The following TAFA4 variants were observed in gnomAD, a reference collection of about 807,000 sequenced individuals.
TAFA4 encodes TAFA chemokine like family member 4.
In TAFA4, 20 loss-of-function variants were observed where a neutral mutation model predicts 21.1. That is an observed-to-expected ratio of 0.95 (90% CI 0.67 to 1.38). The LOEUF (loss-of-function observed/expected upper bound fraction) is 1.38. Among genes scored for constraint, TAFA4 ranks in the 40% most tolerant of loss-of-function variants. The pLI is 0.00. For synonymous variants in TAFA4, 71 were observed against 67.4 expected (o/e 1.05, Z -0.26); for missense variants, 211 against 180.9 (o/e 1.17, Z -0.95).
chr3:68,901,767 C>T (rs1362322295), intron 1 of TAFA4, among the ~76,000 whole-genome samples: 1 of 152,292 alleles, frequency 6.6e-6, no homozygotes, highest in East Asian at 1.9e-4. Context: ...CAAAAGCTGA[C>T]TTTGGCTGAT....
intron 3 of TAFA4, among the ~76,000 whole-genome samples, chr3:68,756,931 G>T (rs1702670455): frequency 6.6e-6 from 1 of 152,180 alleles, no homozygotes; most frequent in Admixed American, 6.5e-5. Flanking sequence ...TTGGAGGGGA[G>T]ATCCTGTCTT....
intron 3 of TAFA4, among the ~76,000 whole-genome samples, chr3:68,846,046 A>G (rs1704783099): frequency 6.6e-6 from 1 of 151,932 alleles, no homozygotes; most frequent in African/African-American, 2.4e-5. Flanking sequence ...TATTTCCTGA[A>G]TTTGAATGTG....
rs758118270 is a variant in TAFA4, at chr3:68,739,149, C to T, written c.337G>A (p.Gly113Arg). Reference protein sequence around the residue: ...WWCHMNPCLEGEDCKVLPDYS... With the variant: ...WWCHMNPCLEREDCKVLPDYS... ...TCTGGCAGCACTTTACAATCCTCTCCTTCCAAACACGGATTCATGTGACAC... is the reference window on the plus strand; with the variant it reads ...TCTGGCAGCACTTTACAATCCTCTCTTTCCAAACACGGATTCATGTGACAC... Residue 113 changes from glycine to arginine, a missense_variant, in exon 5 of 6, where the codon GGA becomes AGA. Coordinates refer to ENST00000295569, the MANE Select transcript of TAFA4 (RefSeq NM_182522.5). 6.2e-7 allele frequency: 1 copy of T among 1,614,034 alleles called. No individual in the cohort carries two copies. Among genetic ancestry groups the T allele is most frequent in the South Asian group, 1.1e-5 (1 of 91,078 alleles).
At chr3:68,857,933 A>T (rs1240590768) in intron 3 of TAFA4, among the ~76,000 whole-genome samples, 1 of 152,200 alleles carries the variant, frequency 6.6e-6, no homozygotes, top group East Asian at 1.9e-4. Flanking sequence ...TGCCTAGAGC[A>T]GGCCAATTGA....
chr3:68,832,028 T>G (rs1704408732), intron 3 of TAFA4, among the ~76,000 whole-genome samples: 1 of 152,158 alleles, frequency 6.6e-6, no homozygotes, highest in Non-Finnish European at 1.5e-5. Flanking sequence ...TTCACCTCCA[T>G]CAGGTCATTT....
At chr3:68,820,779 AATGTATAGCT>A (rs1272717708) in intron 3 of TAFA4, among the ~76,000 whole-genome samples, 2 of 152,194 alleles carry the variant, frequency 1.3e-5, no homozygotes, top group African/African-American at 4.8e-5. Context: ...GCCTCTCCAC[AATGTATAGCT>A]ATATCAAAAC....
At chr3:68,836,079 T>C (rs1001492080) in intron 3 of TAFA4, among the ~76,000 whole-genome samples, 2 of 152,244 alleles carry the variant, frequency 1.3e-5, no homozygotes, top group Non-Finnish European at 2.9e-5. Context: ...TCATGAAGTA[T>C]TCTAAAATGA....
At chr3:68,883,311 A>C (rs1185233230) in intron 2 of TAFA4, among the ~76,000 whole-genome samples, 1 of 152,238 alleles carries the variant, frequency 6.6e-6, no homozygotes, top group Non-Finnish European at 1.5e-5. Context: ...TGTCTTTGCC[A>C]CATGGCCCCT....
chr3:68,781,587 T>C (rs1411011818), intron 3 of TAFA4, among the ~76,000 whole-genome samples: 1 of 151,950 alleles, frequency 6.6e-6, no homozygotes, highest in East Asian at 1.9e-4. Flanking sequence ...ACAATATGAG[T>C]ATCTCTATAT....
At chr3:68,877,570 C>CA (rs1393015442) in intron 3 of TAFA4, among the ~76,000 whole-genome samples, 1 of 152,098 alleles carries the variant, frequency 6.6e-6, no homozygotes, top group African/African-American at 2.4e-5. Context: ...TCAAGGCCAG[C>CA]AAATAAAAGG....
At chr3:68,742,642 C>A (rs1224722029) in intron 4 of TAFA4, among the ~76,000 whole-genome samples, 1 of 152,120 alleles carries the variant, frequency 6.6e-6, no homozygotes, top group South Asian at 2.1e-4. Flanking sequence ...CATTGGTGCA[C>A]CCCTCACCTA....
chr3:68,902,128 C>T (rs1039197499), intron 1 of TAFA4, among the ~76,000 whole-genome samples: 3 of 152,158 alleles, frequency 2.0e-5, no homozygotes, highest in African/African-American at 7.2e-5. Context: ...GAGGCAGTTG[C>T]TATCAGTATC....
chr3:68,799,483 T>G (rs779093947), intron 3 of TAFA4, among the ~76,000 whole-genome samples: 1 of 152,164 alleles, frequency 6.6e-6, no homozygotes, highest in Non-Finnish European at 1.5e-5. Context: ...CACATGAATT[T>G]TGAGGGATCC....
At chr3:68,879,699 A>T (rs1375972278) in intron 3 of TAFA4, among the ~76,000 whole-genome samples, 1 of 152,230 alleles carries the variant, frequency 6.6e-6, no homozygotes, top group African/African-American at 2.4e-5. Flanking sequence ...GTGAGATTTT[A>T]AAAATTATCT....
Position 68,927,616 on chromosome 3 carries a change from T to G in TAFA4, c.-123+4624A>C, listed in dbSNP as rs989201020. Among the ~76,000 whole-genome samples, 11 of 152,176 alleles carry G rather than the reference T, an allele frequency of 7.2e-5. No individual in the cohort carries two copies. In the South Asian group the frequency reaches 2.3e-3, roughly 32 times the overall value. On this transcript the variant is annotated intron_variant, in intron 1 of 5. Coordinates refer to ENST00000295569, the MANE Select transcript of TAFA4 (RefSeq NM_182522.5). ...CTTTGCTTCATAAGAAATACAAGTA[T>G]AGCCAGGCACAGTAGCTCATGCCTG...
intron 1 of TAFA4, among the ~76,000 whole-genome samples, chr3:68,912,765 C>A (rs2089972429): frequency 6.6e-6 from 1 of 152,180 alleles, no homozygotes. Context: ...TTGAAAATTG[C>A]AAAGCCCCAA....
chr3:68,923,583 G>A (rs972864574), intron 1 of TAFA4, among the ~76,000 whole-genome samples: 2 of 152,088 alleles, frequency 1.3e-5, no homozygotes, highest in Non-Finnish European at 2.9e-5. Context: ...ATTTGAGGCA[G>A]CACTAATATT....
At chr3:68,775,575 AAG>A (rs1407004697) in intron 3 of TAFA4, among the ~76,000 whole-genome samples, 1 of 152,152 alleles carries the variant, frequency 6.6e-6, no homozygotes, top group African/African-American at 2.4e-5. Flanking sequence ...GACAAGAGCA[AAG>A]AGAGAGACTT....
intron 1 of TAFA4, among the ~76,000 whole-genome samples, chr3:68,899,067 C>G (rs189417985): frequency 5.3e-5 from 8 of 152,336 alleles, no homozygotes; most frequent in Admixed American, 4.6e-4. Context: ...CTTCCCAACA[C>G]TGGCCATAGC....
Sources: gnomAD v4.1 joint callset for allele counts (sites outside exome capture counted in the v4.1 genomes callset) on GRCh38, gnomAD v4.1.1 for gene constraint, MANE v1.5 for transcripts, NCBI Gene and HGNC (gene_info 2026-07-23, HGNC 2026-07-21) for gene names.